HCN2: variants seen among roughly 807,000 people sequenced by gnomAD.
HCN2 encodes the protein hyperpolarization activated cyclic nucleotide gated potassium and sodium channel 2, also known as potassium/sodium hyperpolarization-activated cyclic nucleotide-gated channel 2.
Under a neutral mutation model 52.3 loss-of-function variants are expected in HCN2, and 20 were observed. The ratio of observed to expected loss-of-function variants is 0.38; its 90% CI spans 0.27 to 0.56. HCN2 has a LOEUF of 0.56. Among genes scored for constraint, HCN2 ranks in the 20% least tolerant of loss-of-function variants. The pLI, the probability that HCN2 is intolerant of heterozygous loss-of-function variation, is 0.71. For synonymous variants in HCN2, 694 were observed against 537.0 expected, an observed-to-expected ratio of 1.29 and a Z score of -4.04; for missense variants, 981 against 1,207.7, an observed-to-expected ratio of 0.81 and a Z score of 2.78.
Position 590,222 on chromosome 19 carries a change from A to T in HCN2, c.277A>T (p.Thr93Ser). 1.0e-6 allele frequency: 1 copy of T among 985,034 alleles called. No homozygotes were observed. Among genetic ancestry groups the T allele is most frequent in the Non-Finnish European group, 1.2e-6 (1 of 831,856 alleles). 61.0% of individuals were successfully genotyped at this position (985,034 alleles called of 1,614,324 possible). Reference sequence around the variant, plus strand: ...CCCCGGCACCCCGGGCGCGGCGAGCACGGCCAAGGGCAGCCCGAACGGCGA... The same window carrying T: ...CCCCGGCACCCCGGGCGCGGCGAGCTCGGCCAAGGGCAGCCCGAACGGCGA... ...GRPGTPGAAS[T>S]AKGSPNGECG... is the part of the protein sequence containing the mutation. The change falls in exon 1 of 8, where the codon ACG (threonine) becomes TCG (serine). Residue 93 changes from threonine to serine, a missense_variant. Physicochemically the swap from Thr to Ser is moderately conservative, Grantham distance 58. Coordinates refer to ENST00000251287, the MANE Select transcript of HCN2 (RefSeq NM_001194.4). The surrounding 1 kb of genome is among the most constrained non-coding windows in gnomAD (Gnocchi z 7.2).
At position 608,805 on chromosome 19, in the gene HCN2, G is replaced by A. The variant is rs988806607; in HGVS notation, c.1437+623G>A. Among the ~76,000 whole-genome samples the A allele has an allele frequency of 5.9e-5, 9 of 152,276 alleles. No individual in the cohort carries two copies. In the South Asian group the frequency reaches 6.2e-4, roughly 11 times the overall value. On this transcript the variant is annotated intron_variant, in intron 4 of 7. Coordinates refer to ENST00000251287, the MANE Select transcript of HCN2 (RefSeq NM_001194.4). ...GCCTGGGGTTGCTTCAGGACACGCCGGTGGCCGGCAGTCAGGGCCAGGCTT... is the reference window on the plus strand; with the variant it reads ...GCCTGGGGTTGCTTCAGGACACGCCAGTGGCCGGCAGTCAGGGCCAGGCTT...
At chr19:612,851 TTTTTTC>T (rs1336407953) in intron 5 of HCN2, among the ~76,000 whole-genome samples, 60 of 131,028 alleles carry the variant, frequency 4.6e-4, no homozygotes, top group African/African-American at 1.6e-3. Context: ...GCTGTTTTTT[TTTTTTC>T]CGGTAGAGAC....
At position 590,266 on chromosome 19, in the gene HCN2, G is replaced by T. The variant is rs1221907324; in HGVS notation, c.321G>T (p.Pro107=). 2 of 989,666 alleles carry T rather than the reference G, an allele frequency of 2.0e-6. No individual in the cohort carries two copies. The highest frequency in any genetic ancestry group is 6.2e-5 in the Admixed American group (1 of 16,178). The allele number at this position is 989,666 out of a possible 1,614,324, so 61.3% of individuals were successfully genotyped here. Residue 107 remains proline (P), a synonymous_variant, in exon 1 of 8, where the codon CCG becomes CCT. Coordinates refer to ENST00000251287, the MANE Select transcript of HCN2 (RefSeq NM_001194.4). The surrounding 1 kb of genome is among the most constrained non-coding windows in gnomAD (Gnocchi z 7.2). ...SPNGECGRGE[P]QCSPAGPEGP... ...ACGGCGAGTGCGGGCGCGGCGAGCC[G>T]CAGTGCAGCCCCGCGGGGCCCGAGG...
rs138670461 is a variant in HCN2, at chr19:597,240, G to A, written c.633-6304G>A. On this transcript the variant is annotated intron_variant, in intron 1 of 7. Transcript: ENST00000251287. Reference sequence around the variant, plus strand: ...AGGAGTCCTTTCTGGGGACACAGGAGCAGAAGGCTCAAGGGAGGTGGTTTC... The same window carrying A: ...AGGAGTCCTTTCTGGGGACACAGGAACAGAAGGCTCAAGGGAGGTGGTTTC... Among the ~76,000 whole-genome samples, 1,051 of 152,342 alleles carry A rather than the reference G, an allele frequency of 6.9e-3. 7 individuals are homozygous for A. Among genetic ancestry groups the A allele is most frequent in the Non-Finnish European group, 0.012 (820 of 68,016 alleles).
chr19:615,189 C>G (rs528641873), intron 7 of HCN2, among the ~76,000 whole-genome samples: 1 of 152,090 alleles, frequency 6.6e-6, no homozygotes, highest in Non-Finnish European at 1.5e-5. Context: ...ACAGTGATAC[C>G]TGCTCCATGT....
rs1190183382 is a variant in HCN2, at chr19:617,030, G to A, written c.*556G>A. On this transcript the variant is annotated 3_prime_UTR_variant, in exon 8 of 8. Transcript: ENST00000251287. ...GCCTGGCTGCGCAGGGCGCGGGGGG[G>A]AGGCTGGGGTCCCGCCGCCGTGATG... 1.4e-4 allele frequency: 74 copies of A among 531,008 alleles called. 1 individual carries two copies. In the East Asian group the frequency reaches 2.2e-3, roughly 16 times the overall value. The allele number at this position is 531,008 out of a possible 1,614,324, so 32.9% of individuals were successfully genotyped here. A position where few individuals can be genotyped will look rare whatever the true frequency, so the allele number is the denominator to read the frequency against.
chr19:612,613 C>T (rs1048125259), intron 5 of HCN2, among the ~76,000 whole-genome samples: 119 of 152,232 alleles, frequency 7.8e-4, no homozygotes, highest in African/African-American at 2.6e-3. Flanking sequence ...TGGGGTTTCA[C>T]CATGTTGGCC....
intron 1 of HCN2, among the ~76,000 whole-genome samples, 197 bp from the exon 2 acceptor site, chr19:603,347 G>C (rs1381021332): frequency 1.3e-5 from 2 of 150,338 alleles, no homozygotes; most frequent in East Asian, 3.9e-4. Context: ...GGTGCCTGGG[G>C]GAAGGCACCA....
chr19:599,356 G>A (rs950186956), intron 1 of HCN2, among the ~76,000 whole-genome samples: 5 of 152,166 alleles, frequency 3.3e-5, no homozygotes, highest in South Asian at 2.1e-4. Context: ...CCACGCCAGC[G>A]ATGAGCTCCC....
At chr19:595,991 G>A (rs543583760) in intron 1 of HCN2, among the ~76,000 whole-genome samples, 33 of 152,168 alleles carry the variant, frequency 2.2e-4, no homozygotes, top group Admixed American at 4.6e-4. Flanking sequence ...CTCCAGCAGG[G>A]GCTGAAGACC....
chr19:593,167 G>A (rs764559295), intron 1 of HCN2, among the ~76,000 whole-genome samples: 9 of 152,186 alleles, frequency 5.9e-5, no homozygotes, highest in Non-Finnish European at 1.0e-4. Context: ...CCCTGCTCCC[G>A]TGCTCGGAAG....
At chr19:607,595 G>T (rs190590032) in intron 3 of HCN2, among the ~76,000 whole-genome samples, 3 of 152,334 alleles carry the variant, frequency 2.0e-5, no homozygotes, top group African/African-American at 7.2e-5. Flanking sequence ...CCGGCCTGGT[G>T]TCTCTGCCCG....
rs116447165 is a variant in HCN2, at chr19:595,893, G to A, written c.632+5316G>A. Among the ~76,000 whole-genome samples, 437 of 152,350 alleles carry A rather than the reference G, an allele frequency of 2.9e-3. 2 individuals are homozygous for A. The highest frequency in any genetic ancestry group is 9.7e-3 in the African/African-American group (404 of 41,586). The stretch of plus-strand genomic sequence containing the variant: ...ATCCTCTCCCGGATTGTCCCCATCT[G>A]TAAATCCTGGACGGCCTCCGGCCTG... On this transcript the variant is annotated intron_variant, in intron 1 of 7. Coordinates refer to ENST00000251287, the MANE Select transcript of HCN2 (RefSeq NM_001194.4).
chr19:592,365 T>TG lies in HCN2; in HGVS notation c.632+1794dup, dbSNP rs1982899366. Among the ~76,000 whole-genome samples the TG allele has an allele frequency of 6.6e-6, 1 of 152,004 alleles. No homozygotes were observed. On this transcript the variant is annotated intron_variant, in intron 1 of 7. Transcript: ENST00000251287. The surrounding 1 kb of genome is among the most constrained non-coding windows in gnomAD (Gnocchi z 4.8). Reference sequence around the variant, plus strand: ...GGCTGCAGAGGGGCGGTCGGTGGCCTGGGGGGCAGGTGGGCAGATGGCTGA... The same window carrying TG: ...GGCTGCAGAGGGGCGGTCGGTGGCCTGGGGGGGCAGGTGGGCAGATGGCTGA...
At chr19:615,191 G>T (rs961271239) in intron 7 of HCN2, among the ~76,000 whole-genome samples, 1 of 152,124 alleles carries the variant, frequency 6.6e-6, no homozygotes, top group Non-Finnish European at 1.5e-5. Flanking sequence ...AGTGATACCT[G>T]CTCCATGTAC....
At position 613,578 on chromosome 19, in the gene HCN2, CGGGGATGGGGAT is replaced by C. The variant is rs1276999935; in HGVS notation, c.1825+107_1825+118del. 66 of 219,594 alleles carry C rather than the reference CGGGGATGGGGAT, an allele frequency of 3.0e-4. 4 individuals carry two copies. In the African/African-American group the frequency reaches 4.3e-3, roughly 14 times the overall value. The allele number at this position is 219,594 out of a possible 1,614,324, so 13.6% of individuals were successfully genotyped here. A position where few individuals can be genotyped will look rare whatever the true frequency, so the allele number is the denominator to read the frequency against. On this transcript the variant is annotated intron_variant, in intron 6 of 7. Transcript: ENST00000251287. ...AGGGGGCCGGGGCCGGGGCCGGGGC[CGGGGATGGGGAT>C]GGGGATGGGGATGGGGCCGGGGATG...
chr19:600,790 C>A (rs58528168), intron 1 of HCN2, among the ~76,000 whole-genome samples: 2 of 152,142 alleles, frequency 1.3e-5, no homozygotes, highest in African/African-American at 4.8e-5. Flanking sequence ...AGGCTTTTTT[C>A]TTTTATCAGT....
chr19:605,825 GGAGA>G (rs527689533), intron 3 of HCN2, among the ~76,000 whole-genome samples: 1 of 149,078 alleles, frequency 6.7e-6, no homozygotes, highest in African/African-American at 2.6e-5. Flanking sequence ...CCTTACAGAG[GGAGA>G]GACACAGGCC....
rs775274951 is a variant in HCN2, at chr19:603,773, C to T, written c.862C>T (p.Arg288Cys). ...DPEKIKKKYL[R>C]TWFVVDFVSS... ...CGAGAAGATCAAGAAGAAGTATCTGCGCACGTGGTTCGTGGTGGACTTCGT... is the reference window on the plus strand; with the variant it reads ...CGAGAAGATCAAGAAGAAGTATCTGTGCACGTGGTTCGTGGTGGACTTCGT... Residue 288 changes from arginine to cysteine, a missense_variant, in exon 2 of 8, where the codon CGC becomes TGC. This residue lies in a region of HCN2 where 282 missense variants were observed against 553.8 expected (regional missense o/e 0.51). Coordinates refer to ENST00000251287, the MANE Select transcript of HCN2 (RefSeq NM_001194.4). The T allele has an allele frequency of 1.2e-5, 19 of 1,612,760 alleles. No individual in the cohort carries two copies. Among genetic ancestry groups the T allele is most frequent in the East Asian group, 2.2e-5 (1 of 44,878 alleles).
Sources: gnomAD v4.1 joint callset for allele counts (sites outside exome capture counted in the v4.1 genomes callset) on GRCh38, gnomAD v4.1.1 for gene constraint, gnomAD v4.1.1 regional missense constraint, Gnocchi (gnomAD v3.1) non-coding constraint, MANE v1.5 for transcripts, NCBI Gene and HGNC (gene_info 2026-07-23, HGNC 2026-07-21) for gene names.